Variants in POC1A observed in about 807,000 individuals in gnomAD.
POC1A encodes POC1 centriolar protein A.
POC1A carries 34 observed loss-of-function variants against 47.8 expected under a neutral mutation model. The observed-to-expected ratio is 0.71, with a 90% CI of 0.54 to 0.95. The LOEUF is 0.95. Ranked by LOEUF, POC1A falls within the 40% of genes least tolerant of loss-of-function variation. The probability of loss-of-function intolerance (pLI) is 0.00; values close to 1 mark genes in which losing one functional copy is unlikely to be tolerated. For missense variants in POC1A, 466 were observed against 528.3 expected, an observed-to-expected ratio of 0.88 and a Z score of 1.16; for synonymous variants, 177 against 207.6, an observed-to-expected ratio of 0.85 and a Z score of 1.27.
At chr3:52,093,082 C>T (rs941493086) in intron 10 of POC1A, among the ~76,000 whole-genome samples, 1 of 152,230 alleles carries the variant, frequency 6.6e-6, no homozygotes, top group Non-Finnish European at 1.5e-5. Context: ...TGGGTCAGGC[C>T]TCGACTTTGC....
intron 9 of POC1A, among the ~76,000 whole-genome samples, chr3:52,101,393 G>C (rs1041816376): frequency 0.068 from 73 of 1,072 alleles, no homozygotes; most frequent in Non-Finnish European, 0.12. Flanking sequence ...AAAAGGCAGG[G>C]AGAAAAAAAA....
intron 6 of POC1A, among the ~76,000 whole-genome samples, chr3:52,144,467 G>A (rs1698301985): frequency 6.6e-6 from 1 of 152,290 alleles, no homozygotes; most frequent in South Asian, 2.1e-4. Context: ...CCTGCCACCT[G>A]GTGGTGCTGT....
In POC1A at chr3:52,122,417, T is replaced by C. The variant is rs771367395; in HGVS notation, c.943A>G (p.Arg315Gly). The C allele has an allele frequency of 1.2e-6, 2 of 1,613,274 alleles. No homozygotes were observed. The highest frequency in any genetic ancestry group is 2.2e-5 in the South Asian group (2 of 91,074). Residue 315 changes from arginine (R) to glycine (G), a missense_variant, in exon 9 of 11, where the codon AGG (arginine) becomes GGG (glycine). Coordinates refer to ENST00000296484, the MANE Select transcript of POC1A (RefSeq NM_015426.5). Reference protein sequence around the residue: ...VDHGEVTKVPRPPATLASSMG... With the variant: ...VDHGEVTKVPGPPATLASSMG... ...GAGCTGGCCAGTGTGGCTGGGGGCC[T>C]CGGCACTTTCGTGACTTCTCCATGA...
chr3:52,146,980 G>A lies in POC1A; in HGVS notation c.563+8C>T, dbSNP rs965137226. ...CCTACAGGTGGAGGACAGCATCTGG[G>A]GACTCACCCGCCATGCTCACAATAC... On this transcript the variant is annotated splice_region_variant and intron_variant, in intron 5 of 10. Transcript: ENST00000296484. The A allele has an allele frequency of 6.2e-7, 1 of 1,609,276 alleles. No homozygotes were observed. The highest frequency in any genetic ancestry group is 1.3e-5 in the African/African-American group (1 of 74,844).
At chr3:52,078,550 G>T (rs142468800) in intron 10 of POC1A, among the ~76,000 whole-genome samples, 67 of 128,128 alleles carry the variant, frequency 5.2e-4, no homozygotes, top group South Asian at 1.2e-3. Flanking sequence ...TCGTTCTGTC[G>T]ACCCGGCTGA....
chr3:52,151,752 C>A (rs964948371), intron 1 of POC1A, among the ~76,000 whole-genome samples: 10 of 151,938 alleles, frequency 6.6e-5, no homozygotes, highest in Non-Finnish European at 1.3e-4. Flanking sequence ...GGAAGACTTA[C>A]TATTGTTAAG....
intron 6 of POC1A, among the ~76,000 whole-genome samples, chr3:52,140,299 G>A (rs1698147508): frequency 6.6e-6 from 1 of 152,194 alleles, no homozygotes; most frequent in Non-Finnish European, 1.5e-5. Flanking sequence ...ATCTCCAGGA[G>A]GCAGGCTGGA....
At chr3:52,119,068 A>G (rs1343174920) in intron 9 of POC1A, among the ~76,000 whole-genome samples, 1 of 151,836 alleles carries the variant, frequency 6.6e-6, no homozygotes, top group East Asian at 1.9e-4. Context: ...ATTCCTACAA[A>G]ATGACTTCTG....
At chr3:52,134,610 C>T (rs186682764) in intron 7 of POC1A, among the ~76,000 whole-genome samples, 114 of 152,108 alleles carry the variant, frequency 7.5e-4, no homozygotes, top group African/African-American at 2.5e-3. Context: ...CCAGCCTGGG[C>T]GACAGGGCGA....
At chr3:52,080,401 G>A (rs1445553447) in intron 10 of POC1A, among the ~76,000 whole-genome samples, 1 of 152,168 alleles carries the variant, frequency 6.6e-6, no homozygotes, top group Non-Finnish European at 1.5e-5. Context: ...AGCACCTGCT[G>A]TCCTGGTTTA....
intron 7 of POC1A, among the ~76,000 whole-genome samples, chr3:52,126,797 C>T (rs927327514): frequency 1.3e-5 from 2 of 152,180 alleles, no homozygotes; most frequent in African/African-American, 4.8e-5. Flanking sequence ...ATAAGAAACC[C>T]ACCCCATGGT....
At chr3:52,138,612 C>T (rs536187097) in intron 6 of POC1A, among the ~76,000 whole-genome samples, 16 of 152,352 alleles carry the variant, frequency 1.1e-4, no homozygotes, top group Admixed American at 6.5e-5. Flanking sequence ...AGCGGTCAAG[C>T]TGGAGCAGAA....
chr3:52,075,495 G>A lies in POC1A; in HGVS notation c.*392C>T. On this transcript the variant is annotated 3_prime_UTR_variant, in exon 11 of 11. Coordinates refer to ENST00000296484, the MANE Select transcript of POC1A (RefSeq NM_015426.5). The stretch of plus-strand genomic sequence containing the variant: ...TGCAATCAATTTCTACACCATGGCA[G>A]AGGTAGGAAAAGCCAGTCACATGTC... The A allele has an allele frequency of 5.6e-6, 1 of 179,912 alleles. No homozygotes were observed. The highest frequency in any genetic ancestry group is 1.3e-4 in the South Asian group (1 of 7,756). The allele number at this position is 179,912 out of a possible 1,614,324, so 11.1% of individuals were successfully genotyped here.
At chr3:52,141,654 C>T (rs903625294) in intron 6 of POC1A, among the ~76,000 whole-genome samples, 3 of 152,154 alleles carry the variant, frequency 2.0e-5, no homozygotes, top group Non-Finnish European at 4.4e-5. Context: ...TCTCAAAACA[C>T]CCAGTACAGG....
At chr3:52,145,488 C>A (rs929898619) in intron 6 of POC1A, among the ~76,000 whole-genome samples, 3 of 152,216 alleles carry the variant, frequency 2.0e-5, no homozygotes, top group African/African-American at 7.2e-5. Flanking sequence ...GCCTCCATCA[C>A]CAGGAAAGGC....
chr3:52,124,838 T>G (rs1034470728), intron 8 of POC1A, among the ~76,000 whole-genome samples: 5 of 152,194 alleles, frequency 3.3e-5, no homozygotes, highest in African/African-American at 4.8e-5. Context: ...ACGACAACCA[T>G]AGCCCAGCCT....
intron 4 of POC1A, 75 bp downstream of exon 4, chr3:52,149,135 G>T: frequency 7.7e-7 from 1 of 1,301,078 alleles, no homozygotes; most frequent in Non-Finnish European, 1.1e-6. Context: ...GTCATAAGTT[G>T]GTACCTAGCA....
At chr3:52,085,419 T>G (rs1396863465) in intron 10 of POC1A, among the ~76,000 whole-genome samples, 1 of 152,224 alleles carries the variant, frequency 6.6e-6, no homozygotes, top group Admixed American at 6.5e-5. Flanking sequence ...TCCGTGCCCC[T>G]TTCCTATCCA....
chr3:52,110,991 C>T (rs936203425), intron 9 of POC1A, among the ~76,000 whole-genome samples: 8 of 152,230 alleles, frequency 5.3e-5, no homozygotes, highest in African/African-American at 1.9e-4. Context: ...TGTACTGATG[C>T]ACGCAGAGCT....
Sources: allele counts gnomAD v4.1 joint callset (sites outside exome capture counted in the v4.1 genomes callset), GRCh38; gene constraint gnomAD v4.1.1; transcripts MANE v1.5; gene names NCBI Gene and HGNC (gene_info 2026-07-23, HGNC 2026-07-21).